The following ZBTB20 variants were observed in gnomAD, a reference collection of about 807,000 sequenced individuals.
ZBTB20 encodes zinc finger and BTB domain containing 20, also known as zinc finger and BTB domain-containing protein 20.
A neutral mutation model predicts 56.9 loss-of-function variants in ZBTB20; 9 were observed. The ratio of observed to expected loss-of-function variants is 0.16; its 90% CI spans 0.10 to 0.28. The LOEUF is 0.28. Ranked by LOEUF, ZBTB20 falls within the 10% of genes least tolerant of loss-of-function variation. The probability of loss-of-function intolerance (pLI) is 1.00; values close to 1 mark genes in which losing one functional copy is unlikely to be tolerated. For synonymous variants in ZBTB20, 417 were observed against 420.7 expected, an observed-to-expected ratio of 0.99 and a Z score of 0.11; for missense variants, 655 against 1,003.0, an observed-to-expected ratio of 0.65 and a Z score of 4.69.
intron 4 of ZBTB20, among the ~76,000 whole-genome samples, chr3:114,872,648 A>T (rs2076055434): frequency 6.6e-6 from 1 of 152,072 alleles, no homozygotes. Flanking sequence ...AATAAAAAAA[A>T]AAAAGGACTG....
chr3:115,073,545 A>G (rs1211913501), intron 1 of ZBTB20, among the ~76,000 whole-genome samples: 4 of 152,126 alleles, frequency 2.6e-5, no homozygotes, highest in African/African-American at 9.7e-5. Flanking sequence ...TTTGAGAAAA[A>G]ATGACTCTCA....
At chr3:115,005,940 C>T (rs770541673) in intron 2 of ZBTB20, among the ~76,000 whole-genome samples, 25 of 151,808 alleles carry the variant, frequency 1.6e-4, no homozygotes, top group African/African-American at 5.8e-4. Flanking sequence ...AATCTACTCT[C>T]TTTTTAGCTC....
intron 3 of ZBTB20, among the ~76,000 whole-genome samples, chr3:114,916,755 G>T (rs1284513695): frequency 6.6e-6 from 1 of 152,130 alleles, no homozygotes; most frequent in African/African-American, 2.4e-5. Flanking sequence ...TGAAGAGTCT[G>T]ATGCCAGATG....
At position 114,509,674 on chromosome 3, in the gene ZBTB20, A is replaced by G. The variant is rs143355928; in HGVS notation, c.-294-9283T>C. 2.6e-5 allele frequency among the ~76,000 whole-genome samples: 4 copies of G among 152,270 alleles called. No individual in the cohort carries two copies. The East Asian group carries it at 5.8e-4, about 22-fold the overall frequency. ...TACTCCATGAAGTGCTGTTACTACT[A>G]AAGTCAGAGTAATTTAGGCAGAAAC... On this transcript the variant is annotated intron_variant, in intron 6 of 11. Coordinates refer to ENST00000675478, the MANE Select transcript of ZBTB20 (RefSeq NM_001348800.3).
At chr3:114,747,320 C>T (rs1429159118) in intron 5 of ZBTB20, among the ~76,000 whole-genome samples, 3 of 152,148 alleles carry the variant, frequency 2.0e-5, no homozygotes, top group Admixed American at 6.5e-5. Context: ...AGTCCCAGCA[C>T]TTTGAGAGGC....
intron 4 of ZBTB20, among the ~76,000 whole-genome samples, chr3:114,857,147 T>C (rs1225769106): frequency 1.3e-5 from 2 of 152,170 alleles, no homozygotes; most frequent in Non-Finnish European, 2.9e-5. Flanking sequence ...CCTCTACTCC[T>C]ACCCCATCCT....
chr3:114,364,932 G>T (rs1475135324), intron 10 of ZBTB20, among the ~76,000 whole-genome samples: 1 of 151,968 alleles, frequency 6.6e-6, no homozygotes, highest in Non-Finnish European at 1.5e-5. Context: ...ACTTCTCTAG[G>T]CTCGGTGGCT....
chr3:114,319,382 TA>T lies in ZBTB20; in HGVS notation c.*19622del, dbSNP rs1242227743. ...ATTGATTTAAATGTCTGTTTTTGCA[TA>T]AAACATGGAAGATGCAAAACATTTA... On this transcript the variant is annotated 3_prime_UTR_variant, in exon 12 of 12. Coordinates refer to ENST00000675478, the MANE Select transcript of ZBTB20 (RefSeq NM_001348800.3). 6.6e-6 allele frequency: 1 copy of T among 152,120 alleles called. No homozygotes were observed. Among genetic ancestry groups the T allele is most frequent in the Non-Finnish European group, 1.5e-5 (1 of 68,028 alleles). 9.4% of individuals were successfully genotyped at this position (152,120 alleles called of 1,614,324 possible).
At chr3:115,116,121 C>G (rs1035147709) in intron 1 of ZBTB20, among the ~76,000 whole-genome samples, 2 of 151,854 alleles carry the variant, frequency 1.3e-5, no homozygotes, top group Non-Finnish European at 2.9e-5. Flanking sequence ...TTTAGTTAAA[C>G]TAATCTGTCA....
chr3:115,098,731 G>A (rs184694590), intron 1 of ZBTB20, among the ~76,000 whole-genome samples: 1 of 152,246 alleles, frequency 6.6e-6, no homozygotes, highest in Admixed American at 6.5e-5. Flanking sequence ...ATTTTACTAG[G>A]TTTGAACCTT....
In ZBTB20 at chr3:114,440,821, A is replaced by G. The variant is rs780450334; in HGVS notation, c.-254-51716T>C. 4.6e-5 allele frequency among the ~76,000 whole-genome samples: 7 copies of G among 152,140 alleles called. No homozygotes were observed. In the East Asian group the frequency reaches 1.2e-3, roughly 25 times the overall value. On this transcript the variant is annotated intron_variant, in intron 7 of 11. Transcript: ENST00000675478. ...AGAACCTGCTCATCAACACTCTGCT[A>G]TTCTCCTGGGATATCAGACAAAAGC...
Position 114,883,974 on chromosome 3 carries a change from G to T in ZBTB20, c.-417+16330C>A. Among the ~76,000 whole-genome samples, 2 of 96,366 alleles carry T rather than the reference G, an allele frequency of 2.1e-5. 1 individual carries two copies. 63.2% of individuals were successfully genotyped at this position (96,366 alleles called of 152,430 possible). A position where few individuals can be genotyped will look rare whatever the true frequency, so the allele number is the denominator to read the frequency against. On this transcript the variant is annotated intron_variant, in intron 4 of 11. Transcript: ENST00000675478. ...GGAGTCTCGCTCTGTCGCCCAGGCT[G>T]GAGTGCAGTGGCAGGATCTCGGCTC...
At position 114,318,898 on chromosome 3, in the gene ZBTB20, A is replaced by G. The variant is rs2078792053; in HGVS notation, c.*20107T>C. On this transcript the variant is annotated 3_prime_UTR_variant, in exon 12 of 12. Coordinates refer to ENST00000675478, the MANE Select transcript of ZBTB20 (RefSeq NM_001348800.3). Reference sequence around the variant, plus strand: ...ACACAGGGTGGTAAAATGCTTCCACACTTAAACTCACAGTCCAGTGTTTTT... The same window carrying G: ...ACACAGGGTGGTAAAATGCTTCCACGCTTAAACTCACAGTCCAGTGTTTTT... The G allele has an allele frequency of 6.6e-6, 1 of 152,192 alleles. No individual in the cohort carries two copies. Among genetic ancestry groups the G allele is most frequent in the African/African-American group, 2.4e-5 (1 of 41,444 alleles). 9.4% of individuals were successfully genotyped at this position (152,192 alleles called of 1,614,324 possible).
chr3:114,897,975 A>G (rs1449675890), intron 4 of ZBTB20, among the ~76,000 whole-genome samples: 1 of 152,034 alleles, frequency 6.6e-6, no homozygotes, highest in Non-Finnish European at 1.5e-5. Context: ...TTCTATTTTG[A>G]CTCTACTCTT....
At chr3:115,058,031 C>T (rs1160268838) in intron 2 of ZBTB20, among the ~76,000 whole-genome samples, 1 of 152,048 alleles carries the variant, frequency 6.6e-6, no homozygotes, top group African/African-American at 2.4e-5. Context: ...GGGAAAAGCC[C>T]CTTATAAAAC....
chr3:114,724,586 T>C (rs1168975157), intron 5 of ZBTB20, among the ~76,000 whole-genome samples: 1 of 152,228 alleles, frequency 6.6e-6, no homozygotes, highest in South Asian at 2.1e-4. Flanking sequence ...TAAGCCTTAA[T>C]TATCCCTTCT....
At chr3:114,780,035 A>G (rs2108770545) in intron 5 of ZBTB20, among the ~76,000 whole-genome samples, 1 of 152,354 alleles carries the variant, frequency 6.6e-6, no homozygotes, top group Admixed American at 6.5e-5. Flanking sequence ...TCTGTAATGA[A>G]TAAAACCAGA....
At chr3:115,034,695 A>C (rs1157394159) in intron 2 of ZBTB20, among the ~76,000 whole-genome samples, 1 of 151,942 alleles carries the variant, frequency 6.6e-6, no homozygotes, top group Non-Finnish European at 1.5e-5. Flanking sequence ...AATCCAAATT[A>C]TGTTTTCACA....
At chr3:114,537,962 T>A (rs1451361975) in intron 6 of ZBTB20, among the ~76,000 whole-genome samples, 1 of 151,880 alleles carries the variant, frequency 6.6e-6, no homozygotes, top group Non-Finnish European at 1.5e-5. Context: ...GAGGGGAATG[T>A]CACACACTGG....
Sources: allele counts gnomAD v4.1 joint callset (sites outside exome capture counted in the v4.1 genomes callset), GRCh38; gene constraint gnomAD v4.1.1; transcripts MANE v1.5; gene names NCBI Gene and HGNC (gene_info 2026-07-23, HGNC 2026-07-21).